The following DTNA variants were observed in gnomAD, a reference collection of about 807,000 sequenced individuals.
DTNA encodes dystrobrevin alpha.
In DTNA, 43 loss-of-function variants were observed where a neutral mutation model predicts 100.7. The observed-to-expected ratio is 0.43, with a 90% CI of 0.33 to 0.55. DTNA has a LOEUF of 0.55. DTNA is among the 20% of genes least tolerant of loss of function. DTNA has a pLI of 0.04. For synonymous variants in DTNA, 349 were observed against 347.9 expected, an observed-to-expected ratio of 1.00 and a Z score of -0.04; for missense variants, 798 against 953.9, an observed-to-expected ratio of 0.84 and a Z score of 2.15.
At chr18:34,858,146 T>C in intron 15 of DTNA, 139 bp from the exon 16 acceptor site, 3 of 756,290 alleles carry the variant, frequency 4.0e-6, no homozygotes, top group South Asian at 3.0e-5. Flanking sequence ...CTGGAATCTG[T>C]TGGTTAGGGA....
intron 2 of DTNA, among the ~76,000 whole-genome samples, chr18:34,759,187 C>T (rs1202335601): frequency 6.6e-6 from 1 of 152,194 alleles, no homozygotes; most frequent in Non-Finnish European, 1.5e-5. Context: ...AAAAAACCCT[C>T]TAGTTAAATA....
At chr18:34,542,867 A>C (rs963716064) in intron 1 of DTNA, among the ~76,000 whole-genome samples, 5 of 148,042 alleles carry the variant, frequency 3.4e-5, no homozygotes, top group African/African-American at 1.3e-4. Flanking sequence ...TTCACACTTT[A>C]AAAAGCAACT....
At chr18:34,867,241 G>A in intron 17 of DTNA, 5 of 1,231,350 alleles carry the variant, frequency 4.1e-6, no homozygotes, top group Non-Finnish European at 5.1e-6. Context: ...TTTGGAAAAT[G>A]CTGGACACAT....
At chr18:34,655,060 A>G (rs1419268404) in intron 1 of DTNA, among the ~76,000 whole-genome samples, 2 of 152,074 alleles carry the variant, frequency 1.3e-5, no homozygotes, top group Non-Finnish European at 2.9e-5. Flanking sequence ...ATATTAAGAA[A>G]TTCTTTTACT....
At chr18:34,586,004 C>G (rs2049097606) in intron 1 of DTNA, among the ~76,000 whole-genome samples, 1 of 152,182 alleles carries the variant, frequency 6.6e-6, no homozygotes, top group Non-Finnish European at 1.5e-5. Flanking sequence ...CTGGAGTCCC[C>G]ACAGGGACTG....
At chr18:34,747,431 T>C (rs1326443763) in intron 1 of DTNA, among the ~76,000 whole-genome samples, 2 of 152,088 alleles carry the variant, frequency 1.3e-5, no homozygotes, top group Non-Finnish European at 2.9e-5. Flanking sequence ...TGAGGTTTGG[T>C]GCACCCGTCA....
chr18:34,613,736 T>C (rs1296138461), intron 1 of DTNA, among the ~76,000 whole-genome samples: 5 of 152,156 alleles, frequency 3.3e-5, no homozygotes, highest in Admixed American at 2.0e-4. Context: ...AGTTGGAAGC[T>C]AGGAGAGGTT....
intron 1 of DTNA, among the ~76,000 whole-genome samples, chr18:34,558,463 G>T (rs1403741641): frequency 1.3e-5 from 2 of 152,124 alleles, no homozygotes; most frequent in Non-Finnish European, 2.9e-5. Flanking sequence ...TTGTGTGTCA[G>T]ACACTATTCT....
intron 4 of DTNA, among the ~76,000 whole-genome samples, chr18:34,801,686 A>G (rs891056282): frequency 4.0e-5 from 6 of 151,540 alleles, no homozygotes; most frequent in Non-Finnish European, 5.9e-5. Flanking sequence ...AATTTTTTGT[A>G]TTTTAGTAGA....
At chr18:34,834,190 T>A (rs1023141960) in intron 11 of DTNA, among the ~76,000 whole-genome samples, 4 of 152,018 alleles carry the variant, frequency 2.6e-5, no homozygotes, top group Non-Finnish European at 5.9e-5. Flanking sequence ...AGAGGCTGGG[T>A]AACTGATAAA....
intron 1 of DTNA, among the ~76,000 whole-genome samples, chr18:34,754,566 A>G (rs1330569548): frequency 6.6e-6 from 1 of 152,138 alleles, no homozygotes; most frequent in South Asian, 2.1e-4. Context: ...GGGGCACTCA[A>G]AGTGTAGTAG....
At chr18:34,758,268 G>T (rs886496969) in intron 2 of DTNA, among the ~76,000 whole-genome samples, 4 of 152,138 alleles carry the variant, frequency 2.6e-5, no homozygotes, top group Non-Finnish European at 4.4e-5. Context: ...GACTAGACTT[G>T]TAAATCTTCT....
chr18:34,525,403 C>T (rs767453692), intron 1 of DTNA, among the ~76,000 whole-genome samples: 11 of 152,124 alleles, frequency 7.2e-5, no homozygotes, highest in Non-Finnish European at 1.3e-4. Flanking sequence ...GTCTTTCCTC[C>T]AGCTTTAATT....
At chr18:34,736,259 A>G (rs1027033263) in intron 1 of DTNA, among the ~76,000 whole-genome samples, 4 of 152,162 alleles carry the variant, frequency 2.6e-5, no homozygotes, top group African/African-American at 9.7e-5. Flanking sequence ...CACACTACAC[A>G]TATGTATGCG....
intron 17 of DTNA, chr18:34,867,790 A>C: frequency 3.0e-6 from 3 of 985,490 alleles, no homozygotes; most frequent in Non-Finnish European, 2.4e-6. Context: ...AGTGCCCCCA[A>C]GGTGGCGCCA....
At chr18:34,525,484 T>C (rs146400813) in intron 1 of DTNA, among the ~76,000 whole-genome samples, 8 of 152,312 alleles carry the variant, frequency 5.3e-5, no homozygotes, top group African/African-American at 1.9e-4. Flanking sequence ...ACTTGTCTTA[T>C]ACTATTGTGA....
chr18:34,569,573 A>G (rs1037698284), intron 1 of DTNA, among the ~76,000 whole-genome samples: 6 of 152,208 alleles, frequency 3.9e-5, no homozygotes, highest in Non-Finnish European at 8.8e-5. Flanking sequence ...TCAGGATTCT[A>G]CAGAGAAACA....
intron 1 of DTNA, among the ~76,000 whole-genome samples, chr18:34,565,412 G>A (rs1354082577): frequency 6.6e-6 from 1 of 152,158 alleles, no homozygotes; most frequent in Non-Finnish European, 1.5e-5. Context: ...AATTTAGAAA[G>A]GGTACTGTAT....
intron 1 of DTNA, among the ~76,000 whole-genome samples, chr18:34,622,355 A>G (rs929637546): frequency 5.3e-5 from 8 of 152,344 alleles, no homozygotes; most frequent in African/African-American, 1.9e-4. Flanking sequence ...GTGATTTACC[A>G]TCAAAAGAAC....
Sources: allele counts gnomAD v4.1 joint callset (sites outside exome capture counted in the v4.1 genomes callset), GRCh38; gene constraint gnomAD v4.1.1; transcripts MANE v1.5; gene names NCBI Gene and HGNC (gene_info 2026-07-23, HGNC 2026-07-21).